PDSS2: variants seen among roughly 807,000 people sequenced by gnomAD.
PDSS2 encodes the protein all trans-polyprenyl-diphosphate synthase PDSS2.
A neutral mutation model predicts 44.5 loss-of-function variants in PDSS2; 31 were observed. That is an observed-to-expected ratio of 0.70 (90% CI 0.52 to 0.94). The LOEUF (loss-of-function observed/expected upper bound fraction) is 0.94, where lower values mean the gene tolerates loss of function less well. Ranked by LOEUF, PDSS2 falls within the 40% of genes least tolerant of loss-of-function variation. PDSS2 has a pLI of 0.00. For synonymous variants in PDSS2, 157 were observed against 180.3 expected (o/e 0.87, Z 1.03); for missense variants, 452 against 482.2 (o/e 0.94, Z 0.59).
At chr6:107,181,662 G>A (rs1307609866) in intron 7 of PDSS2, among the ~76,000 whole-genome samples, 3 of 151,678 alleles carry the variant, frequency 2.0e-5, no homozygotes, top group South Asian at 4.2e-4. Context: ...GGCTGAGGCC[G>A]GTGGATCACC....
chr6:107,219,159 C>T (rs1773516516), intron 4 of PDSS2, among the ~76,000 whole-genome samples: 2 of 152,174 alleles, frequency 1.3e-5, no homozygotes, highest in Admixed American at 6.5e-5. Flanking sequence ...AAGGCATTCC[C>T]TTTTATAGTA....
chr6:107,286,294 G>C (rs928941136), intron 2 of PDSS2, among the ~76,000 whole-genome samples: 32 of 151,872 alleles, frequency 2.1e-4, no homozygotes, highest in African/African-American at 6.7e-4. Flanking sequence ...GATCACTTGA[G>C]GTCAGGAGTT....
intron 1 of PDSS2, among the ~76,000 whole-genome samples, chr6:107,414,770 G>A (rs1182858650): frequency 6.6e-6 from 1 of 152,178 alleles, no homozygotes; most frequent in East Asian, 1.9e-4. Flanking sequence ...TCACAAAAAG[G>A]ATAACACATA....
At chr6:107,421,390 A>C (rs1780818718) in intron 1 of PDSS2, among the ~76,000 whole-genome samples, 1 of 152,200 alleles carries the variant, frequency 6.6e-6, no homozygotes, top group Non-Finnish European at 1.5e-5. Context: ...CTATACATGA[A>C]TGTTCAGAGC....
At chr6:107,450,923 C>T (rs150579066) in intron 1 of PDSS2, among the ~76,000 whole-genome samples, 89 of 152,258 alleles carry the variant, frequency 5.8e-4, no homozygotes, top group Admixed American at 3.0e-3. Flanking sequence ...CTCCAACTTC[C>T]GCGCTCAAGT....
At chr6:107,256,138 A>T (rs539212428) in intron 3 of PDSS2, among the ~76,000 whole-genome samples, 1 of 152,072 alleles carries the variant, frequency 6.6e-6, no homozygotes, top group East Asian at 1.9e-4. Context: ...CTACAGGTGC[A>T]TGCCACCATG....
chr6:107,176,606 T>C (rs1771798377), intron 7 of PDSS2, among the ~76,000 whole-genome samples: 1 of 152,146 alleles, frequency 6.6e-6, no homozygotes, highest in South Asian at 2.1e-4. Context: ...CAGAACTTAT[T>C]TCAAGGCTCA....
At chr6:107,215,913 G>T (rs2114654838) in intron 4 of PDSS2, among the ~76,000 whole-genome samples, 1 of 152,162 alleles carries the variant, frequency 6.6e-6, no homozygotes, top group South Asian at 2.1e-4. Context: ...GAGGTGGGCA[G>T]ATTACTTGAG....
rs369343317 is a variant in PDSS2, at chr6:107,157,827, C to T, written c.1042-3050G>A. 5.3e-5 allele frequency among the ~76,000 whole-genome samples: 8 copies of T among 152,010 alleles called. No homozygotes were observed. In the East Asian group the frequency reaches 7.7e-4, roughly 15 times the overall value. ...CTGGGATTACAGGCACCCGCCACCA[C>T]GCCTGGCTAATTTTTTTGTATTTTT... On this transcript the variant is annotated intron_variant, in intron 7 of 7. Transcript: ENST00000369037.
chr6:107,271,054 A>G (rs1319965053), intron 3 of PDSS2, among the ~76,000 whole-genome samples: 1 of 152,246 alleles, frequency 6.6e-6, no homozygotes, highest in Non-Finnish European at 1.5e-5. Context: ...TTCTCTAAAT[A>G]TAAGTTATGT....
intron 2 of PDSS2, among the ~76,000 whole-genome samples, chr6:107,319,423 A>G (rs987824902): frequency 6.6e-6 from 1 of 152,202 alleles, no homozygotes; most frequent in African/African-American, 2.4e-5. Flanking sequence ...AATAGAGGTC[A>G]TGATCTGGGG....
rs528504690 is a variant in PDSS2, at chr6:107,418,569, C to T, written c.296+40421G>A. On this transcript the variant is annotated intron_variant, in intron 1 of 7. Transcript: ENST00000369037. ...GGTGGATCATTTGAGGTCAGGAGTT[C>T]GAGACCATCCTGGGAAACATGATGA... Among the ~76,000 whole-genome samples the T allele has an allele frequency of 3.3e-5, 5 of 152,118 alleles. No homozygotes were observed. The East Asian group carries it at 5.8e-4, about 18-fold the overall frequency.
chr6:107,269,924 C>T (rs1775540677), intron 3 of PDSS2, among the ~76,000 whole-genome samples: 1 of 152,112 alleles, frequency 6.6e-6, no homozygotes, highest in Non-Finnish European at 1.5e-5. Flanking sequence ...GCCTTAGCCT[C>T]CCAAAGTGCT....
At chr6:107,316,413 T>C (rs1024129369) in intron 2 of PDSS2, among the ~76,000 whole-genome samples, 1 of 152,180 alleles carries the variant, frequency 6.6e-6, no homozygotes, top group African/African-American at 2.4e-5. Context: ...GTATCCAGTA[T>C]AGCTCAGGTG....
At chr6:107,353,394 AT>A (rs1250563293) in intron 1 of PDSS2, among the ~76,000 whole-genome samples, 8 of 152,194 alleles carry the variant, frequency 5.3e-5, no homozygotes, top group Admixed American at 1.3e-4. Context: ...ACAACAAAGT[AT>A]TTTTTAATAG....
intron 7 of PDSS2, among the ~76,000 whole-genome samples, chr6:107,183,818 C>G (rs1375947624): frequency 6.6e-6 from 1 of 152,026 alleles, no homozygotes; most frequent in East Asian, 1.9e-4. Context: ...TTGCTTGAAC[C>G]CGGGAAGTGG....
intron 1 of PDSS2, among the ~76,000 whole-genome samples, chr6:107,359,246 A>C (rs1700560003): frequency 6.6e-6 from 1 of 151,052 alleles, no homozygotes; most frequent in Non-Finnish European, 1.5e-5. Context: ...TCCTGACCTC[A>C]GGTGATTCAC....
In PDSS2 at chr6:107,459,076, G is replaced by C; in HGVS notation, c.210C>G (p.Arg70=). Residue 70 remains arginine (R), a synonymous_variant, in exon 1 of 8, where the codon CGC becomes CGG. Transcript: ENST00000369037. This position sits in a 1 kb window ranked among gnomAD's most constrained non-coding sequence, Gnocchi z 4.3. ...VGYPTSFMSL[R]CLLSDELSNI... ...TGCTGAGCTCGTCGCTCAGCAGGCA[G>C]CGAAGGCTCATGAAGGACGTGGGGT... is the stretch of plus-strand genomic sequence containing the variant. 6.2e-7 allele frequency: 1 copy of C among 1,614,106 alleles called. No homozygotes were observed. The highest frequency in any genetic ancestry group is 8.5e-7 in the Non-Finnish European group (1 of 1,180,004).
chr6:107,410,616 T>C (rs903386417), intron 1 of PDSS2, among the ~76,000 whole-genome samples: 9 of 151,532 alleles, frequency 5.9e-5, no homozygotes, highest in Non-Finnish European at 1.0e-4. Flanking sequence ...GCCTCCCAAA[T>C]AGCTGGGATT....
Sources: allele counts gnomAD v4.1 joint callset (sites outside exome capture counted in the v4.1 genomes callset), GRCh38; gene constraint gnomAD v4.1.1; non-coding constraint Gnocchi (gnomAD v3.1); transcripts MANE v1.5; gene names NCBI Gene and HGNC (gene_info 2026-07-23, HGNC 2026-07-21).